ALPK1: variants seen among roughly 807,000 people sequenced by gnomAD.
ALPK1 encodes alpha-protein kinase 1.
In ALPK1, 110 loss-of-function variants were observed where a neutral mutation model predicts 120.6. The ratio of observed to expected loss-of-function variants is 0.91; its 90% CI spans 0.78 to 1.07. The LOEUF (loss-of-function observed/expected upper bound fraction) is 1.07, where lower values mean the gene tolerates loss of function less well. Among genes scored for constraint, ALPK1 ranks in the 50% least tolerant of loss-of-function variants. ALPK1 has a pLI of 0.00. For missense variants in ALPK1, 1,498 were observed against 1,483.9 expected, an observed-to-expected ratio of 1.01 and a Z score of -0.16; for synonymous variants, 582 against 560.3, an observed-to-expected ratio of 1.04 and a Z score of -0.55.
chr4:112,398,646 G>C (rs1462072798), intron 4 of ALPK1, among the ~76,000 whole-genome samples: 1 of 152,106 alleles, frequency 6.6e-6, no homozygotes. Flanking sequence ...TTAAAGTCAA[G>C]AGCAGGGAAC....
intron 4 of ALPK1, among the ~76,000 whole-genome samples, chr4:112,407,608 C>T (rs145368481): frequency 4.6e-5 from 7 of 152,262 alleles, no homozygotes; most frequent in East Asian, 1.9e-4. Flanking sequence ...TTCCTTTTCT[C>T]GTTTAGATTT....
In ALPK1 at chr4:112,433,038, A is replaced by G. The variant is rs117743418; in HGVS notation, c.3034+457A>G. ...TTTACCAACCAACTGATTTTTCTCT[A>G]TCTTTCCCCATTAGAATTCTATGGG... On this transcript the variant is annotated intron_variant, in intron 11 of 15. Coordinates refer to ENST00000650871, the MANE Select transcript of ALPK1 (RefSeq NM_025144.4). Among the ~76,000 whole-genome samples the G allele has an allele frequency of 6.1e-3, 934 of 152,210 alleles. 18 individuals carry two copies. In the East Asian group the frequency reaches 0.069, roughly 11 times the overall value.
chr4:112,440,698 G>A lies in ALPK1; in HGVS notation c.3539-219G>A, dbSNP rs1191835053. ...GATGTCATATTTGACAAATATAACT[G>A]CCCAATATTTAATTATTCTTAAACT... On this transcript the variant is annotated intron_variant, in intron 14 of 15. Coordinates refer to ENST00000650871, the MANE Select transcript of ALPK1 (RefSeq NM_025144.4). 4.6e-5 allele frequency among the ~76,000 whole-genome samples: 7 copies of A among 152,136 alleles called. No individual in the cohort carries two copies. In the East Asian group the frequency reaches 9.6e-4, roughly 21 times the overall value.
chr4:112,425,893 C>G, intron 7 of ALPK1, 142 bp downstream of exon 7: 1 of 593,836 alleles, frequency 1.7e-6, no homozygotes, highest in South Asian at 2.2e-5. Context: ...AAGAGAATGG[C>G]ATTTAAGATC....
intron 2 of ALPK1, among the ~76,000 whole-genome samples, chr4:112,327,033 G>A (rs1296646285): frequency 6.6e-6 from 1 of 152,254 alleles, no homozygotes; most frequent in Admixed American, 6.5e-5. Context: ...CAGTGAAGCA[G>A]TAGGGAGACG....
intron 4 of ALPK1, among the ~76,000 whole-genome samples, chr4:112,390,966 G>A (rs1732388306): frequency 6.6e-6 from 1 of 152,164 alleles, no homozygotes; most frequent in African/African-American, 2.4e-5. Flanking sequence ...CTTGAGAGAA[G>A]TGGAAAGAGG....
At chr4:112,325,195 A>G (rs1729059392) in intron 2 of ALPK1, among the ~76,000 whole-genome samples, 1 of 152,248 alleles carries the variant, frequency 6.6e-6, no homozygotes, top group African/African-American at 2.4e-5. Context: ...TAATGCACCT[A>G]TCTCCCTAAA....
intron 2 of ALPK1, among the ~76,000 whole-genome samples, chr4:112,347,742 T>G (rs1730161504): frequency 6.6e-6 from 1 of 152,228 alleles, no homozygotes; most frequent in South Asian, 2.1e-4. Context: ...ACAGATACAG[T>G]GCATCTTATT....
rs147085897 is a variant in ALPK1 at position 112,432,464 on chromosome 4, C to T, written c.2917C>T (p.Arg973Cys). ...GATGAGGAAAGAGATCCTTGAGGCT[C>T]GCACCTTGCAACCTGATGACTTTGA... ...GKMRKEILEA[R>C]TLQPDDFEKL... The change falls in exon 11 of 16, where the codon CGC becomes TGC. Residue 973 changes from arginine (R) to cysteine (C), a missense_variant. By Grantham distance (180) the Arg-to-Cys change is radical. Coordinates refer to ENST00000650871, the MANE Select transcript of ALPK1 (RefSeq NM_025144.4). 240 of 1,614,108 alleles carry T rather than the reference C, an allele frequency of 1.5e-4. No homozygotes were observed. The highest frequency in any genetic ancestry group is 9.6e-4 in the East Asian group (43 of 44,882).
chr4:112,391,447 A>AC (rs527778949), intron 4 of ALPK1, among the ~76,000 whole-genome samples: 3 of 152,008 alleles, frequency 2.0e-5, no homozygotes, highest in Non-Finnish European at 2.9e-5. Context: ...GGTTGAATTG[A>AC]CCCCCCAAAT....
chr4:112,408,051 G>A (rs1193038314), intron 4 of ALPK1, among the ~76,000 whole-genome samples: 1 of 151,832 alleles, frequency 6.6e-6, no homozygotes, highest in East Asian at 1.9e-4. Flanking sequence ...AGGTTGCAGT[G>A]AGCAGAGATT....
In ALPK1 at chr4:112,438,487, T is replaced by C. The variant is rs764811504; in HGVS notation, c.3192T>C (p.Tyr1064=). The change falls in exon 13 of 16, where the codon TAT becomes TAC. Residue 1064 remains tyrosine, a synonymous_variant. Transcript: ENST00000650871. ...HLHQEEILGR[Y]VGKDYKEQKG... ...TGTGGATTTTCTTTGTTCATAGGTA[T>C]GTTGGGAAAGACTATAAGGAGCAGA... The C allele has an allele frequency of 6.2e-6, 10 of 1,612,846 alleles. No homozygotes were observed. The highest frequency in any genetic ancestry group is 1.6e-4 in the Middle Eastern group (1 of 6,070).
Position 112,438,598 on chromosome 4 carries a change from A to G in ALPK1, c.3303A>G (p.Glu1101=). The change falls in exon 13 of 16, where the codon GAA becomes GAG. Residue 1101 remains glutamate, a synonymous_variant. Coordinates refer to ENST00000650871, the MANE Select transcript of ALPK1 (RefSeq NM_025144.4). ...YVTEFNKRLY[E]QNIPTQIFYI... Reference sequence around the variant, plus strand: ...CAGAATTTAACAAGAGACTCTATGAACAAAACATTCCCACCCAGATATTCT... The same window carrying G: ...CAGAATTTAACAAGAGACTCTATGAGCAAAACATTCCCACCCAGATATTCT... 1 of 1,613,942 alleles carries G rather than the reference A, an allele frequency of 6.2e-7. No individual in the cohort carries two copies. Among genetic ancestry groups the G allele is most frequent in the Non-Finnish European group, 8.5e-7 (1 of 1,179,832 alleles).
chr4:112,346,606 A>G (rs138327268), intron 2 of ALPK1, among the ~76,000 whole-genome samples: 109 of 152,378 alleles, frequency 7.2e-4, no homozygotes, highest in African/African-American at 2.4e-3. Context: ...TGGGTCCATG[A>G]TGCCAACCAG....
chr4:112,358,966 A>C, intron 2 of ALPK1: 1 of 768,808 alleles, frequency 1.3e-6, no homozygotes, highest in Non-Finnish European at 2.4e-6. Flanking sequence ...CAGCCCCACC[A>C]CAAGCAGCAG....
chr4:112,424,428 C>T (rs377200137), intron 6 of ALPK1, among the ~76,000 whole-genome samples: 1 of 152,130 alleles, frequency 6.6e-6, no homozygotes, highest in Non-Finnish European at 1.5e-5. Flanking sequence ...ATTTTTGGTA[C>T]ATAAGAACTT....
chr4:112,353,487 G>A (rs1730455559), intron 2 of ALPK1, among the ~76,000 whole-genome samples: 1 of 152,220 alleles, frequency 6.6e-6, no homozygotes, highest in African/African-American at 2.4e-5. Flanking sequence ...ATGCCAAACT[G>A]TAGGTTCCAA....
intron 2 of ALPK1, among the ~76,000 whole-genome samples, chr4:112,318,224 C>G (rs1728720796): frequency 1.3e-5 from 2 of 152,106 alleles, no homozygotes; most frequent in African/African-American, 2.4e-5. Context: ...TTCTGGGAAC[C>G]TAGGTATGAA....
intron 2 of ALPK1, chr4:112,358,587 G>A (rs1000924512): frequency 1.5e-5 from 11 of 720,368 alleles, no homozygotes; most frequent in Non-Finnish European, 2.5e-5. Context: ...AGGCCCTGGG[G>A]GCTGCTGGCC....
Sources: allele counts gnomAD v4.1 joint callset (sites outside exome capture counted in the v4.1 genomes callset), GRCh38; gene constraint gnomAD v4.1.1; transcripts MANE v1.5; gene names NCBI Gene and HGNC (gene_info 2026-07-23, HGNC 2026-07-21).